Variants in PAAF1 observed in about 807,000 individuals in gnomAD.
The protein encoded by PAAF1 is proteasomal ATPase-associated factor 1.
A neutral mutation model predicts 52.8 loss-of-function variants in PAAF1; 46 were observed. The observed-to-expected ratio is 0.87, with a 90% CI of 0.69 to 1.11. The LOEUF (loss-of-function observed/expected upper bound fraction) is 1.11, where lower values mean the gene tolerates loss of function less well. PAAF1 is among the 50% of genes most tolerant of loss of function. PAAF1 has a pLI of 0.00. For synonymous variants in PAAF1, 178 were observed against 172.8 expected, an observed-to-expected ratio of 1.03 and a Z score of -0.24; for missense variants, 424 against 477.4, an observed-to-expected ratio of 0.89 and a Z score of 1.04.
At chr11:73,908,399 G>GTATATATA (rs1217683996) in intron 6 of PAAF1, among the ~76,000 whole-genome samples, 29,140 of 143,448 alleles carry the variant, frequency 0.2, 3,248 homozygotes, top group African/African-American at 0.31. Flanking sequence ...ATATATATAT[G>GTATATATA]TGTATATATA....
chr11:73,880,642 G>A (rs1480622874), intron 2 of PAAF1: 1 of 133,446 alleles, frequency 7.5e-6, no homozygotes, highest in African/African-American at 2.8e-5. Flanking sequence ...AGACCAGATA[G>A]TGCCACCGCA....
At chr11:73,924,943 A>T (rs1272404157) in intron 11 of PAAF1, among the ~76,000 whole-genome samples, 1 of 152,040 alleles carries the variant, frequency 6.6e-6, no homozygotes, top group East Asian at 1.9e-4. Flanking sequence ...ACTTGAGGTC[A>T]GGAGTTCAAG....
chr11:73,905,338 C>T (rs762941466), intron 6 of PAAF1, among the ~76,000 whole-genome samples: 8 of 151,988 alleles, frequency 5.3e-5, no homozygotes, highest in African/African-American at 1.7e-4. Context: ...ATTCTTCTGC[C>T]TCAGCTTCCC....
chr11:73,878,139 G>T (rs1466218), intron 1 of PAAF1, among the ~76,000 whole-genome samples: 12,071 of 152,146 alleles, frequency 0.079, 659 homozygotes, highest in African/African-American at 0.16. Flanking sequence ...ATTTAGGTGG[G>T]CTAAAATACA....
chr11:73,883,312 T>C (rs1486118899), intron 2 of PAAF1, among the ~76,000 whole-genome samples: 2 of 152,182 alleles, frequency 1.3e-5, no homozygotes, highest in East Asian at 1.9e-4. Context: ...GTGCTATCTA[T>C]GTGCTAGTTA....
rs181902797 is a variant in PAAF1 at position 73,907,213 on chromosome 11, C to T, written c.533-2186C>T. The stretch of plus-strand genomic sequence containing the variant: ...TAAAGGGCTTCAAAAACTATAAAAT[C>T]GATAGGCATTTTGGACATTATAACA... On this transcript the variant is annotated intron_variant, in intron 6 of 11. Coordinates refer to ENST00000310571, the MANE Select transcript of PAAF1 (RefSeq NM_025155.3). Among the ~76,000 whole-genome samples the T allele has an allele frequency of 2.7e-4, 41 of 152,042 alleles. 1 individual carries two copies. In the East Asian group the frequency reaches 7.1e-3, roughly 26 times the overall value.
chr11:73,906,138 G>T (rs1949746259), intron 6 of PAAF1, among the ~76,000 whole-genome samples: 1 of 151,824 alleles, frequency 6.6e-6, no homozygotes. Flanking sequence ...ATCTGTTTTT[G>T]AAAGGAAGAC....
intron 2 of PAAF1, among the ~76,000 whole-genome samples, chr11:73,882,926 G>A (rs1056942544): frequency 6.6e-5 from 10 of 151,480 alleles, no homozygotes; most frequent in Admixed American, 2.6e-4. Context: ...TTGAGACAGG[G>A]TCTTGCCCTG....
chr11:73,900,218 C>T (rs1949557545), intron 5 of PAAF1, 52 bp from the exon 6 acceptor site: 20 of 1,536,458 alleles, frequency 1.3e-5, no homozygotes, highest in Non-Finnish European at 1.7e-5. Flanking sequence ...GGTAAGAGAA[C>T]ATCAAGGGAT....
chr11:73,887,475 C>A lies in PAAF1; in HGVS notation c.192+18C>A. On this transcript the variant is annotated intron_variant, in intron 3 of 11. Coordinates refer to ENST00000310571, the MANE Select transcript of PAAF1 (RefSeq NM_025155.3). The stretch of plus-strand genomic sequence containing the variant: ...TAAACAAGGTATGTTTTTATGTCTT[C>A]TAGATGGCATGATATTTAAAACTAT... 6.5e-7 allele frequency: 1 copy of A among 1,529,690 alleles called. No individual in the cohort carries two copies. Among genetic ancestry groups the A allele is most frequent in the South Asian group, 1.2e-5 (1 of 84,068 alleles). The allele number at this position is 1,529,690 out of a possible 1,614,324, so 94.8% of individuals were successfully genotyped here. A position where few individuals can be genotyped will look rare whatever the true frequency, so the allele number is the denominator to read the frequency against.
chr11:73,897,859 G>A (rs1000350842), intron 4 of PAAF1, among the ~76,000 whole-genome samples: 2 of 143,264 alleles, frequency 1.4e-5, no homozygotes, highest in African/African-American at 5.5e-5. Flanking sequence ...GTAGCGAGCC[G>A]AGATCACACC....
At chr11:73,916,371 G>T (rs1950064616) in intron 8 of PAAF1, among the ~76,000 whole-genome samples, 174 bp from the exon 9 acceptor site, 2 of 152,174 alleles carry the variant, frequency 1.3e-5, no homozygotes, top group Non-Finnish European at 2.9e-5. Flanking sequence ...GAAATCCTGG[G>T]AGTACTTCCT....
intron 6 of PAAF1, among the ~76,000 whole-genome samples, chr11:73,904,180 C>T (rs1335588375): frequency 6.6e-6 from 1 of 151,478 alleles, no homozygotes; most frequent in Admixed American, 6.6e-5. Flanking sequence ...AGTTTGTTCT[C>T]TACTTAATTA....
At chr11:73,897,524 T>G (rs1591072377) in intron 4 of PAAF1, among the ~76,000 whole-genome samples, 2 of 127,956 alleles carry the variant, frequency 1.6e-5, no homozygotes, top group South Asian at 2.5e-4. Flanking sequence ...AGGGCAGAGG[T>G]GCTCCCCACA....
intron 8 of PAAF1, among the ~76,000 whole-genome samples, chr11:73,915,331 C>G (rs1334587551): frequency 6.6e-6 from 1 of 152,206 alleles, no homozygotes; most frequent in African/African-American, 2.4e-5. Flanking sequence ...GCCCACTGGG[C>G]ATAGTGGCTC....
chr11:73,906,331 C>A (rs1426739808), intron 6 of PAAF1, among the ~76,000 whole-genome samples: 2 of 152,210 alleles, frequency 1.3e-5, no homozygotes, highest in Non-Finnish European at 2.9e-5. Flanking sequence ...CCGCTCACTT[C>A]AACCTCTGCC....
Position 73,914,515 on chromosome 11 carries a change from C to CCT in PAAF1, c.819+12_819+13dup. The CCT allele has an allele frequency of 6.2e-7, 1 of 1,613,036 alleles. No homozygotes were observed. Among genetic ancestry groups the CCT allele is most frequent in the East Asian group, 2.2e-5 (1 of 44,858 alleles). On this transcript the variant is annotated intron_variant, in intron 8 of 11. Transcript: ENST00000310571. Reference sequence around the variant, plus strand: ...CAGAGCAGGCAGCTGGCAAGTGGTTCCTATATGACCTTTGAACTCTGAGGC... The same window carrying CCT: ...CAGAGCAGGCAGCTGGCAAGTGGTTCCTCTATATGACCTTTGAACTCTGAGGC...
chr11:73,912,912 T>A (rs1236568115), intron 7 of PAAF1, among the ~76,000 whole-genome samples: 1 of 152,124 alleles, frequency 6.6e-6, no homozygotes. Flanking sequence ...GGAGTTTCCC[T>A]CTTTTGCCAG....
intron 2 of PAAF1, chr11:73,879,107 A>T (rs79064888): frequency 0.031 from 6,244 of 200,218 alleles, 118 homozygotes; most frequent in Non-Finnish European, 0.046. Flanking sequence ...CTGCAGCTTC[A>T]ACTGGGACTT....
Sources: gnomAD v4.1 joint callset for allele counts (sites outside exome capture counted in the v4.1 genomes callset) on GRCh38, gnomAD v4.1.1 for gene constraint, MANE v1.5 for transcripts, NCBI Gene and HGNC (gene_info 2026-07-23, HGNC 2026-07-21) for gene names.